The following MDGA2 variants were observed in gnomAD, a reference collection of about 807,000 sequenced individuals.
The protein encoded by MDGA2 is MAM domain-containing glycosylphosphatidylinositol anchor protein 2.
Under a neutral mutation model 117.8 loss-of-function variants are expected in MDGA2, and 40 were observed. The observed-to-expected ratio is 0.34, with a 90% CI of 0.26 to 0.44. MDGA2 has a LOEUF of 0.44. MDGA2 is among the 20% of genes least tolerant of loss of function. The pLI is 1.00. For missense variants in MDGA2, 1,123 were observed against 1,250.6 expected, an observed-to-expected ratio of 0.90 and a Z score of 1.54; for synonymous variants, 452 against 439.0, an observed-to-expected ratio of 1.03 and a Z score of -0.37.
chr14:47,290,444 T>G (rs908290090), intron 2 of MDGA2, among the ~76,000 whole-genome samples: 1 of 152,160 alleles, frequency 6.6e-6, no homozygotes, highest in African/African-American at 2.4e-5. Flanking sequence ...CTATTGTTTA[T>G]AAGCCACCCA....
chr14:46,903,320 G>A (rs1883364804), intron 10 of MDGA2, among the ~76,000 whole-genome samples: 1 of 152,120 alleles, frequency 6.6e-6, no homozygotes, highest in South Asian at 2.1e-4. Context: ...GGGGTATGGG[G>A]TTGTTTCATG....
chr14:47,185,893 T>C (rs1884891464), intron 3 of MDGA2, among the ~76,000 whole-genome samples: 1 of 151,586 alleles, frequency 6.6e-6, no homozygotes, highest in Admixed American at 6.6e-5. Context: ...AACCCACAAA[T>C]ATAGATGACA....
chr14:47,418,937 T>C (rs188827174), intron 1 of MDGA2, among the ~76,000 whole-genome samples: 4 of 152,324 alleles, frequency 2.6e-5, no homozygotes, highest in Admixed American at 2.0e-4. Context: ...AAAAGTGGAA[T>C]ACTTTTCAGT....
intron 14 of MDGA2, 195 bp downstream of exon 14, chr14:46,873,238 T>C (rs1882086920): frequency 2.0e-6 from 1 of 488,094 alleles, no homozygotes; most frequent in African/African-American, 2.0e-5. Context: ...TGATCTAAAA[T>C]GTCAAATTCC....
At chr14:47,496,512 G>A (rs1273234878) in intron 1 of MDGA2, among the ~76,000 whole-genome samples, 1 of 152,050 alleles carries the variant, frequency 6.6e-6, no homozygotes, top group Non-Finnish European at 1.5e-5. Context: ...CCAAAGTGCT[G>A]TGATTACAGG....
chr14:47,155,445 C>T (rs893784804), intron 3 of MDGA2, among the ~76,000 whole-genome samples: 2 of 152,152 alleles, frequency 1.3e-5, no homozygotes, highest in East Asian at 1.9e-4. Context: ...CTGTGACACT[C>T]TCTTCGGAGC....
intron 2 of MDGA2, among the ~76,000 whole-genome samples, chr14:47,230,787 C>A (rs985668964): frequency 6.6e-6 from 1 of 151,894 alleles, no homozygotes; most frequent in Non-Finnish European, 1.5e-5. Flanking sequence ...CGAAACTAAA[C>A]TGAGGCATAA....
chr14:47,056,780 C>T (rs957533469), intron 7 of MDGA2, among the ~76,000 whole-genome samples: 8 of 152,180 alleles, frequency 5.3e-5, no homozygotes, highest in South Asian at 4.1e-4. Flanking sequence ...TGCTGTATAA[C>T]GATTATATTT....
intron 2 of MDGA2, among the ~76,000 whole-genome samples, chr14:47,285,062 C>T (rs549495827): frequency 6.6e-6 from 1 of 152,098 alleles, no homozygotes; most frequent in Non-Finnish European, 1.5e-5. Flanking sequence ...CAATATGTTG[C>T]TCTCCAGAGA....
At chr14:47,541,665 T>C (rs991449620) in intron 1 of MDGA2, among the ~76,000 whole-genome samples, 2 of 152,194 alleles carry the variant, frequency 1.3e-5, no homozygotes, top group Non-Finnish European at 2.9e-5. Context: ...GAGGGGACAG[T>C]TGAATTATAG....
chr14:47,142,502 A>G (rs1274446449), intron 4 of MDGA2, among the ~76,000 whole-genome samples: 68 of 152,154 alleles, frequency 4.5e-4, no homozygotes, highest in Admixed American at 4.5e-3. Flanking sequence ...TATAGAGAAA[A>G]GATGTTTAGA....
At chr14:47,259,121 TTTG>T (rs149909117) in intron 2 of MDGA2, among the ~76,000 whole-genome samples, 4,144 of 152,062 alleles carry the variant, frequency 0.027, 137 homozygotes, top group East Asian at 0.18. Flanking sequence ...CTGGAGCGTT[TTTG>T]TTGTTGTTTT....
In MDGA2 at chr14:47,009,128, C is replaced by G. The variant is rs544379906; in HGVS notation, c.1819+25883G>C. On this transcript the variant is annotated intron_variant, in intron 8 of 16. Coordinates refer to ENST00000399232, the MANE Select transcript of MDGA2 (RefSeq NM_001113498.3). ...CATTCGATAGATAAATAAAATGGTA[C>G]AGTATAGCACTCCAAATAGTCCTAT... is the stretch of plus-strand genomic sequence containing the variant. Among the ~76,000 whole-genome samples the G allele has an allele frequency of 1.4e-4, 22 of 152,028 alleles. 2 individuals carry two copies. The highest frequency in any genetic ancestry group is 5.1e-4 in the African/African-American group (21 of 41,520).
chr14:47,490,321 T>C (rs2138651899), intron 1 of MDGA2, among the ~76,000 whole-genome samples: 1 of 152,236 alleles, frequency 6.6e-6, no homozygotes, highest in East Asian at 1.9e-4. Context: ...TATAGAGAAA[T>C]CACTTTCAGT....
Position 47,561,157 on chromosome 14 carries a change from T to TG in MDGA2, c.280+113359dup, listed in dbSNP as rs1566515941. 1.9e-4 allele frequency among the ~76,000 whole-genome samples: 13 copies of TG among 69,320 alleles called. 1 individual carries two copies. Among genetic ancestry groups the TG allele is most frequent in the African/African-American group, 4.9e-4 (11 of 22,606 alleles). 45.5% of individuals were successfully genotyped at this position (69,320 alleles called of 152,430 possible). ...TCTATCTTTGTTTTTTTTTTTGTTT[T>TG]GTTTTGTTTTTTTGTTTGTTTGTTT... On this transcript the variant is annotated intron_variant, in intron 1 of 16. Transcript: ENST00000399232.
In MDGA2 at chr14:47,584,550, G is replaced by A. The variant is rs996415538; in HGVS notation, c.280+89967C>T. The stretch of plus-strand genomic sequence containing the variant: ...TTAAATATCTTAAAAACTCTCATAC[G>A]CATCCTTTCCATTCCTTCTGCTATG... On this transcript the variant is annotated intron_variant, in intron 1 of 16. Coordinates refer to ENST00000399232, the MANE Select transcript of MDGA2 (RefSeq NM_001113498.3). Among the ~76,000 whole-genome samples the A allele has an allele frequency of 6.6e-5, 10 of 151,726 alleles. No homozygotes were observed. The East Asian group carries it at 7.8e-4, about 12-fold the overall frequency.
intron 5 of MDGA2, among the ~76,000 whole-genome samples, chr14:47,116,933 A>C (rs76416813): frequency 0.014 from 2,069 of 148,474 alleles, 44 homozygotes; most frequent in African/African-American, 0.049. Flanking sequence ...ATAAAAAAAA[A>C]GGTTCTGCAC....
intron 1 of MDGA2, among the ~76,000 whole-genome samples, chr14:47,334,112 T>A (rs1890371960): frequency 6.6e-6 from 1 of 151,858 alleles, no homozygotes; most frequent in Non-Finnish European, 1.5e-5. Flanking sequence ...AATCTTCAAA[T>A]GACATATAAA....
intron 16 of MDGA2, among the ~76,000 whole-genome samples, chr14:46,843,030 ATTAT>A (rs1185273287): frequency 2.0e-5 from 3 of 152,226 alleles, no homozygotes; most frequent in East Asian, 1.9e-4. Context: ...TTCAATTAAG[ATTAT>A]TTATTTCCCC....
Sources: gnomAD v4.1 joint callset for allele counts (sites outside exome capture counted in the v4.1 genomes callset) on GRCh38, gnomAD v4.1.1 for gene constraint, MANE v1.5 for transcripts, NCBI Gene and HGNC (gene_info 2026-07-23, HGNC 2026-07-21) for gene names.